Variants in ROR1 observed in about 807,000 individuals in gnomAD.
ROR1 encodes inactive tyrosine-protein kinase transmembrane receptor ROR1.
In ROR1, 19 loss-of-function variants were observed where a neutral mutation model predicts 78.8. The observed-to-expected ratio is 0.24, with a 90% CI of 0.17 to 0.35. ROR1 has a LOEUF of 0.35. ROR1 is among the 10% of genes least tolerant of loss of function. The pLI, the probability that ROR1 is intolerant of heterozygous loss-of-function variation, is 1.00. For synonymous variants in ROR1, 386 were observed against 433.6 expected (o/e 0.89, Z 1.36); for missense variants, 917 against 1,177.8 (o/e 0.78, Z 3.24).
At chr1:63,970,204 TC>T in intron 1 of ROR1, among the ~76,000 whole-genome samples, 1 of 152,244 alleles carries the variant, frequency 6.6e-6, no homozygotes, top group East Asian at 1.9e-4. Context: ...CACCTCTACT[TC>T]CTGTTGCCAT....
intron 1 of ROR1, among the ~76,000 whole-genome samples, chr1:63,904,283 T>C (rs1645511660): frequency 6.6e-6 from 1 of 152,190 alleles, no homozygotes; most frequent in South Asian, 2.1e-4. Flanking sequence ...GCCCATGTTA[T>C]AGAGGAGGAA....
At chr1:63,946,298 G>T (rs966961130) in intron 1 of ROR1, among the ~76,000 whole-genome samples, 7 of 152,116 alleles carry the variant, frequency 4.6e-5, no homozygotes, top group Non-Finnish European at 7.3e-5. Context: ...ATAAATTTGG[G>T]CAGGAAGAGA....
chr1:63,911,456 A>C (rs2100417028), intron 1 of ROR1, among the ~76,000 whole-genome samples: 1 of 152,266 alleles, frequency 6.6e-6, no homozygotes, highest in East Asian at 1.9e-4. Context: ...GATCAGCATT[A>C]GATTCTCATA....
intron 1 of ROR1, among the ~76,000 whole-genome samples, chr1:63,837,369 G>A (rs1392328275): frequency 6.6e-6 from 1 of 152,120 alleles, no homozygotes; most frequent in Non-Finnish European, 1.5e-5. Context: ...ATGTGTACAT[G>A]ATGCACATTT....
rs34743018 is a variant in ROR1 at position 64,178,001 on chromosome 1, C to A, written c.1960C>A (p.Leu654Met). 6.2e-7 allele frequency: 1 copy of A among 1,614,176 alleles called. No individual in the cohort carries two copies. Among genetic ancestry groups the A allele is most frequent in the Non-Finnish European group, 8.5e-7 (1 of 1,180,022 alleles). Residue 654 changes from leucine to methionine, a missense_variant, in exon 9 of 9, where the codon CTG becomes ATG. Leu to Met is a conservative substitution (Grantham distance 15). Around this residue, in one of 3 missense-constraint regions of ROR1, gnomAD observed 835 missense variants for 1,069.8 expected, o/e 0.78. Coordinates refer to ENST00000371079, the MANE Select transcript of ROR1 (RefSeq NM_005012.4). This position sits in a 1 kb window ranked among gnomAD's most constrained non-coding sequence, Gnocchi z 4.3. ...DYYRVQSKSL[L>M]PIRWMPPEAI... ...CTACAGGGTCCAGAGTAAGTCCTTGCTGCCCATTCGCTGGATGCCCCCTGA... is the reference window on the plus strand; with the variant it reads ...CTACAGGGTCCAGAGTAAGTCCTTGATGCCCATTCGCTGGATGCCCCCTGA...
intron 1 of ROR1, among the ~76,000 whole-genome samples, chr1:63,976,637 G>A (rs776911909): frequency 2.4e-4 from 36 of 152,016 alleles, no homozygotes; most frequent in African/African-American, 3.1e-4. Flanking sequence ...CTGGTTTGTC[G>A]GTGTCATCTT....
chr1:63,985,600 G>C (rs532467615), intron 1 of ROR1, among the ~76,000 whole-genome samples: 1 of 152,120 alleles, frequency 6.6e-6, no homozygotes, highest in South Asian at 2.1e-4. Context: ...ATAGGGGCCA[G>C]GCATGGTGGT....
chr1:63,920,139 T>C (rs978066361), intron 1 of ROR1, among the ~76,000 whole-genome samples: 3 of 152,220 alleles, frequency 2.0e-5, no homozygotes, highest in Non-Finnish European at 4.4e-5. Context: ...TGAGAAACAT[T>C]GTTGGGCAGG....
intron 1 of ROR1, among the ~76,000 whole-genome samples, chr1:63,939,643 GTGT>G (rs1323291380): frequency 6.6e-6 from 1 of 152,214 alleles, no homozygotes; most frequent in Non-Finnish European, 1.5e-5. Context: ...TTCGCCAGCT[GTGT>G]TACCTCGAAT....
At chr1:63,884,529 A>T (rs2100379554) in intron 1 of ROR1, among the ~76,000 whole-genome samples, 1 of 152,334 alleles carries the variant, frequency 6.6e-6, no homozygotes, top group African/African-American at 2.4e-5. Context: ...TCACGCAGCT[A>T]GTTGGTGACA....
chr1:64,099,890 C>T (rs1422114846), intron 4 of ROR1, among the ~76,000 whole-genome samples: 3 of 152,092 alleles, frequency 2.0e-5, no homozygotes, highest in Non-Finnish European at 4.4e-5. Flanking sequence ...CCCATCTCTA[C>T]TAAAAAATAC....
chr1:64,039,719 A>G (rs1247937584), intron 2 of ROR1, among the ~76,000 whole-genome samples: 1 of 152,196 alleles, frequency 6.6e-6, no homozygotes, highest in Non-Finnish European at 1.5e-5. Flanking sequence ...GAGATGACTT[A>G]TGATGTGTTC....
At chr1:64,027,816 T>A (rs1646626539) in intron 2 of ROR1, among the ~76,000 whole-genome samples, 1 of 152,016 alleles carries the variant, frequency 6.6e-6, no homozygotes, top group Admixed American at 6.6e-5. Context: ...GCCTCCTGAG[T>A]ATCTGGGATT....
At chr1:64,097,962 G>A (rs771132458) in intron 4 of ROR1, among the ~76,000 whole-genome samples, 12 of 152,130 alleles carry the variant, frequency 7.9e-5, no homozygotes, top group South Asian at 2.1e-4. Context: ...AAAAGGCTGC[G>A]TTCTCCGTCA....
At chr1:64,122,178 G>C (rs4110907) in intron 4 of ROR1, among the ~76,000 whole-genome samples, 1 of 152,210 alleles carries the variant, frequency 6.6e-6, no homozygotes, top group Non-Finnish European at 1.5e-5. Context: ...TTGTGAGCTA[G>C]CTTATGAGTC....
chr1:63,921,083 T>C (rs1290163993), intron 1 of ROR1, among the ~76,000 whole-genome samples: 1 of 152,210 alleles, frequency 6.6e-6, no homozygotes, highest in Non-Finnish European at 1.5e-5. Flanking sequence ...AAAATGTTTA[T>C]GTAGTGCTTA....
intron 4 of ROR1, among the ~76,000 whole-genome samples, chr1:64,098,936 T>C (rs1211871337): frequency 6.6e-6 from 1 of 152,168 alleles, no homozygotes; most frequent in Admixed American, 6.5e-5. Context: ...TTATCAATAA[T>C]ATAATGGAAT....
intron 4 of ROR1, among the ~76,000 whole-genome samples, chr1:64,135,108 T>TA (rs1008546664): frequency 8.5e-5 from 13 of 152,068 alleles, no homozygotes; most frequent in Admixed American, 3.9e-4. Context: ...TGTTCTTTTT[T>TA]AAAAAATCTG....
intron 1 of ROR1, among the ~76,000 whole-genome samples, chr1:63,846,339 G>A (rs890547183): frequency 3.3e-5 from 5 of 151,968 alleles, no homozygotes; most frequent in African/African-American, 1.2e-4. Context: ...AGCCACCTGC[G>A]CGGTCTCTGG....
Sources: allele counts gnomAD v4.1 joint callset (sites outside exome capture counted in the v4.1 genomes callset), GRCh38; gene constraint gnomAD v4.1.1; regional missense constraint gnomAD v4.1.1; non-coding constraint Gnocchi (gnomAD v3.1); transcripts MANE v1.5; gene names NCBI Gene and HGNC (gene_info 2026-07-23, HGNC 2026-07-21).